Variants in ERG observed in about 807,000 individuals in gnomAD.
The protein encoded by ERG is ETS transcription factor ERG.
A neutral mutation model predicts 55.3 loss-of-function variants in ERG; 9 were observed. The ratio of observed to expected loss-of-function variants is 0.16; its 90% confidence interval spans 0.10 to 0.28. ERG has a LOEUF of 0.28. Among genes scored for constraint, ERG ranks in the 10% least tolerant of loss-of-function variants. The pLI is 1.00. For synonymous variants in ERG, 223 were observed against 237.3 expected, an observed-to-expected ratio of 0.94 and a Z score of 0.55; for missense variants, 434 against 631.6, an observed-to-expected ratio of 0.69 and a Z score of 3.35.
upstream of ERG, among the ~76,000 whole-genome samples, chr21:38,586,582 G>A (rs1343531839): frequency 6.6e-6 from 1 of 152,142 alleles, no homozygotes; most frequent in Non-Finnish European, 1.5e-5. Flanking sequence ...TGGTGGGGAT[G>A]TGGAAAAAGG....
At chr21:38,609,587 C>T (rs751356577) in intron 1 of ERG, among the ~76,000 whole-genome samples, 4 of 152,190 alleles carry the variant, frequency 2.6e-5, no homozygotes, top group Non-Finnish European at 4.4e-5. Flanking sequence ...ATAATCTCAA[C>T]AACATAACCT....
chr21:38,395,559 C>A (rs115725865), intron 6 of ERG: 110 of 195,022 alleles, frequency 5.6e-4, no homozygotes, highest in African/African-American at 2.4e-3. Flanking sequence ...GGCACTGGTT[C>A]TGTTGTTTTA....
At chr21:38,401,592 G>A (rs1038641724) in intron 5 of ERG, among the ~76,000 whole-genome samples, 2 of 152,080 alleles carry the variant, frequency 1.3e-5, no homozygotes, top group Non-Finnish European at 2.9e-5. Flanking sequence ...GGTAAATATT[G>A]GGAAAATTGC....
intron 1 of ERG, among the ~76,000 whole-genome samples, chr21:38,614,652 C>T (rs142585826): frequency 3.3e-5 from 5 of 152,308 alleles, no homozygotes; most frequent in African/African-American, 4.8e-5. Flanking sequence ...GGGTTGGGGA[C>T]GAACGGCTTC....
At chr21:38,480,611 T>TTTTTTA (rs1555906529) in intron 1 of ERG, among the ~76,000 whole-genome samples, 1 of 139,324 alleles carries the variant, frequency 7.2e-6, no homozygotes, top group African/African-American at 2.6e-5. Context: ...TTTTTTTTTT[T>TTTTTTA]TTTGCCTTAT....
At chr21:38,592,881 G>A (rs1048341562) in intron 1 of ERG, among the ~76,000 whole-genome samples, 2 of 152,160 alleles carry the variant, frequency 1.3e-5, no homozygotes, top group Admixed American at 6.5e-5. Flanking sequence ...TTCATTTCAT[G>A]TTGCTTTGGA....
intron 1 of ERG, among the ~76,000 whole-genome samples, chr21:38,648,113 T>C (rs991409514): frequency 4.6e-5 from 7 of 152,224 alleles, no homozygotes; most frequent in Non-Finnish European, 8.8e-5. Flanking sequence ...AAATATGTAA[T>C]ATGCAATTCT....
At chr21:38,418,087 G>C (rs1429197524) in intron 3 of ERG, among the ~76,000 whole-genome samples, 2 of 151,694 alleles carry the variant, frequency 1.3e-5, no homozygotes, top group African/African-American at 4.8e-5. Context: ...TTGTCTACTT[G>C]CCTTTTCTAA....
In ERG at chr21:38,605,841, T is replaced by A. The variant is rs988427356; in HGVS notation, c.-149-20896A>T. On this transcript the variant is annotated intron_variant, in intron 1 of 10. Transcript: ENST00000398910. ...GCAGCCCAGATAGATGATAGATAGA[T>A]GATAGAAAGATAGATAGATAATAGC... is the stretch of plus-strand genomic sequence containing the variant. 1.3e-5 allele frequency among the ~76,000 whole-genome samples: 2 copies of A among 151,910 alleles called. 1 individual carries two copies. The highest frequency in any genetic ancestry group is 4.8e-5 in the African/African-American group (2 of 41,326).
chr21:38,456,091 C>T (rs1411488565), intron 1 of ERG, among the ~76,000 whole-genome samples: 1 of 152,166 alleles, frequency 6.6e-6, no homozygotes, highest in Non-Finnish European at 1.5e-5. Flanking sequence ...AAAATGAGAT[C>T]GATTTGTTTA....
intron 2 of ERG, among the ~76,000 whole-genome samples, chr21:38,527,315 G>A (rs1457117263): frequency 6.6e-6 from 1 of 152,208 alleles, no homozygotes; most frequent in East Asian, 1.9e-4. Flanking sequence ...GCAGCTGGGG[G>A]CTTGGAAATG....
intron 1 of ERG, among the ~76,000 whole-genome samples, chr21:38,619,148 C>T (rs1055871005): frequency 1.3e-4 from 20 of 152,144 alleles, no homozygotes; most frequent in Non-Finnish European, 1.3e-4. Flanking sequence ...ACCTGTAGAC[C>T]GACTTCCTTC....
intron 2 of ERG, among the ~76,000 whole-genome samples, chr21:38,571,798 T>C (rs2059959459): frequency 6.6e-6 from 1 of 152,210 alleles, no homozygotes; most frequent in African/African-American, 2.4e-5. Flanking sequence ...CCATTTGTTC[T>C]GGCAGAAAAG....
intron 1 of ERG, among the ~76,000 whole-genome samples, chr21:38,595,250 G>A (rs1448869025): frequency 1.3e-5 from 2 of 152,198 alleles, no homozygotes; most frequent in Non-Finnish European, 2.9e-5. Context: ...GGAGACTACA[G>A]GGAGGGAAGG....
the ERG span, among the ~76,000 whole-genome samples, chr21:38,372,898 AATT>A: frequency 6.6e-6 from 1 of 152,140 alleles, no homozygotes; most frequent in African/African-American, 2.4e-5. Flanking sequence ...TAGTGCAAGA[AATT>A]ATTTTCTTCT....
chr21:38,540,232 T>C (rs1487355762), intron 2 of ERG, among the ~76,000 whole-genome samples: 1 of 152,204 alleles, frequency 6.6e-6, no homozygotes, highest in Non-Finnish European at 1.5e-5. Flanking sequence ...GGTTTCTTAT[T>C]GAGGTGAAGT....
intron 3 of ERG, among the ~76,000 whole-genome samples, chr21:38,419,516 T>TACAC (rs76492704): frequency 5.5e-4 from 83 of 150,818 alleles, no homozygotes; most frequent in East Asian, 7.8e-4. Flanking sequence ...AAAATACACA[T>TACAC]ACACACACAC....
rs566415429 is a variant in ERG, at chr21:38,654,355, C to T, written c.-150+7303G>A. Among the ~76,000 whole-genome samples the T allele has an allele frequency of 2.8e-3, 422 of 152,334 alleles. 1 individual carries two copies. Among genetic ancestry groups the T allele is most frequent in the Middle Eastern group, 6.8e-3 (2 of 294 alleles). On this transcript the variant is annotated intron_variant, in intron 1 of 10. Coordinates refer to the ERG transcript ENST00000398910. ...GGCCTGTTGGCAGGTGCCTGTAATCCCAGCTACTCGGGAGGCTGAGGCAGG... is the reference window on the plus strand; with the variant it reads ...GGCCTGTTGGCAGGTGCCTGTAATCTCAGCTACTCGGGAGGCTGAGGCAGG...
chr21:38,658,396 T>G (rs2060532098), intron 1 of ERG, among the ~76,000 whole-genome samples: 1 of 152,180 alleles, frequency 6.6e-6, no homozygotes, highest in Admixed American at 6.5e-5. Context: ...CAGACATTTA[T>G]TCACTATGAC....
Sources: allele counts gnomAD v4.1 joint callset (sites outside exome capture counted in the v4.1 genomes callset), GRCh38; gene constraint gnomAD v4.1.1; transcripts MANE v1.5; gene names NCBI Gene and HGNC (gene_info 2026-07-23, HGNC 2026-07-21).